BDP1: variants seen among roughly 807,000 people sequenced by gnomAD.
The protein encoded by BDP1 is transcription factor TFIIIB component B'' homolog.
Under a neutral mutation model 266.6 loss-of-function variants are expected in BDP1, and 169 were observed. That is an observed-to-expected ratio of 0.63 (90% CI 0.56 to 0.72). BDP1 has a LOEUF of 0.72. BDP1 is among the 30% of genes least tolerant of loss of function. The probability of loss-of-function intolerance (pLI) is 0.00; values close to 1 mark genes in which losing one functional copy is unlikely to be tolerated. For synonymous variants in BDP1, 1,090 were observed against 1,022.4 expected (o/e 1.07, Z -1.26); for missense variants, 3,015 against 3,053.8 (o/e 0.99, Z 0.30).
chr5:71,477,052 G>A (rs1762633473), intron 7 of BDP1, among the ~76,000 whole-genome samples: 1 of 150,944 alleles, frequency 6.6e-6, no homozygotes, highest in African/African-American at 2.4e-5. Context: ...TGCTATGTTG[G>A]CCAGGCTCGT....
chr5:71,496,134 T>TGGGA (rs1481186322), intron 12 of BDP1, among the ~76,000 whole-genome samples: 1 of 150,300 alleles, frequency 6.7e-6, no homozygotes. Flanking sequence ...CCCAGCTACT[T>TGGGA]GGGAGGCTGA....
At chr5:71,539,211 CTG>C (rs1399138645) in intron 27 of BDP1, 133 bp downstream of exon 27, 3 of 625,836 alleles carry the variant, frequency 4.8e-6, no homozygotes, top group Non-Finnish European at 8.2e-6. Context: ...TGTGTTGTCT[CTG>C]TGAGAAATGT....
In BDP1 at chr5:71,524,161, T is replaced by C. The variant is rs778016281; in HGVS notation, c.5610T>C (p.Ala1870=). The change falls in exon 25 of 39, where the codon GCT becomes GCC. Residue 1870 remains alanine, a synonymous_variant. Coordinates refer to ENST00000358731, the MANE Select transcript of BDP1 (RefSeq NM_018429.3). The stretch of plus-strand genomic sequence containing the variant: ...AGGCCATGCTGGTGACTCTTCGGGC[T>C]TCCCAGGAAGAAGATGATGATGCTG... The part of the protein sequence containing the change: ...ASKAMLVTLR[A]SQEEDDDADD... 9.9e-6 allele frequency: 16 copies of C among 1,614,096 alleles called. No individual in the cohort carries two copies. The highest frequency in any genetic ancestry group is 1.3e-5 in the Non-Finnish European group (15 of 1,180,042).
At chr5:71,512,480 G>T (rs148039997) in intron 18 of BDP1, 52 bp downstream of exon 18, 1 of 1,194,052 alleles carries the variant, frequency 8.4e-7, no homozygotes, top group East Asian at 2.5e-5. Flanking sequence ...TGCAGATTAC[G>T]TTAAACTAAG....
chr5:71,548,275 G>C (rs1161399508), intron 32 of BDP1, among the ~76,000 whole-genome samples: 1 of 152,158 alleles, frequency 6.6e-6, no homozygotes, highest in Non-Finnish European at 1.5e-5. Context: ...AGTCAGGATT[G>C]CATTTTAGAA....
chr5:71,550,968 A>G (rs1742699483), intron 34 of BDP1, among the ~76,000 whole-genome samples: 1 of 152,142 alleles, frequency 6.6e-6, no homozygotes, highest in Admixed American at 6.5e-5. Flanking sequence ...GGTCTCCCAA[A>G]GTGTTGGGAT....
chr5:71,554,849 T>C lies in BDP1; in HGVS notation c.7200+1529T>C, dbSNP rs567147490. 3.3e-5 allele frequency among the ~76,000 whole-genome samples: 5 copies of C among 152,340 alleles called. No individual in the cohort carries two copies. In the East Asian group the frequency reaches 9.6e-4, roughly 29 times the overall value. ...GAAGTGTTTCAAATTTCAGATTTTT[T>C]TGAATTTTAGAATAATTGCATTATA... On this transcript the variant is annotated intron_variant, in intron 35 of 38. Coordinates refer to ENST00000358731, the MANE Select transcript of BDP1 (RefSeq NM_018429.3).
At position 71,486,590 on chromosome 5, in the gene BDP1, G is replaced by A. The variant is rs1763276700; in HGVS notation, c.1176G>A (p.Lys392=). 6.5e-7 allele frequency: 1 copy of A among 1,533,048 alleles called. No individual in the cohort carries two copies. Among genetic ancestry groups the A allele is most frequent in the Non-Finnish European group, 8.7e-7 (1 of 1,153,456 alleles). The allele number at this position is 1,533,048 out of a possible 1,614,324, so 95.0% of individuals were successfully genotyped here. The change falls in exon 9 of 39, where the codon AAG becomes AAA. Residue 392 remains lysine (K), a synonymous_variant. Coordinates refer to ENST00000358731, the MANE Select transcript of BDP1 (RefSeq NM_018429.3). ...AATCTGTTAAAAATCACAGTTTAAA[G>A]GAGAAGAAATCCACCAAACCACGGA... is the stretch of plus-strand genomic sequence containing the variant. ...KQKSVKNHSL[K]EKKSTKPRKN... is the part of the protein sequence containing the mutation.
intron 37 of BDP1, among the ~76,000 whole-genome samples, chr5:71,561,801 G>A (rs548799723): frequency 3.2e-4 from 48 of 152,260 alleles, no homozygotes; most frequent in Middle Eastern, 6.8e-3. Flanking sequence ...CCAACTGTGC[G>A]AATCTTCATT....
intron 36 of BDP1, among the ~76,000 whole-genome samples, chr5:71,559,111 G>A (rs1210347243): frequency 3.3e-5 from 5 of 152,072 alleles, no homozygotes; most frequent in African/African-American, 9.7e-5. Context: ...CCGAGATCGC[G>A]CCTCTGCACT....
intron 17 of BDP1, 133 bp from the exon 18 acceptor site, chr5:71,512,108 A>C (rs1290643263): frequency 2.2e-6 from 1 of 461,678 alleles, no homozygotes; most frequent in Non-Finnish European, 3.7e-6. Context: ...TGGAAATTAA[A>C]TTTTATTCAA....
At chr5:71,515,826 A>G (rs1432804816) in intron 20 of BDP1, among the ~76,000 whole-genome samples, 2 of 152,070 alleles carry the variant, frequency 1.3e-5, no homozygotes, top group Admixed American at 6.6e-5. Context: ...CCACCATTCT[A>G]TCTGTATATT....
chr5:71,477,806 G>A (rs535709119), intron 7 of BDP1, among the ~76,000 whole-genome samples: 1 of 151,878 alleles, frequency 6.6e-6, no homozygotes, highest in African/African-American at 2.4e-5. Flanking sequence ...TTTTTGTAGA[G>A]ATGGGGTTTT....
At chr5:71,550,014 T>G (rs1166598229) in intron 34 of BDP1, among the ~76,000 whole-genome samples, 1 of 152,222 alleles carries the variant, frequency 6.6e-6, no homozygotes, top group Non-Finnish European at 1.5e-5. Flanking sequence ...GGACTTGCTT[T>G]GGTGCCCAGG....
rs571107970 is a variant in BDP1, at chr5:71,549,282, T to C, written c.6809-138T>C. On this transcript the variant is annotated intron_variant, in intron 33 of 38. Coordinates refer to ENST00000358731, the MANE Select transcript of BDP1 (RefSeq NM_018429.3). ...GAACTTACTTCCTCAGGCTGGGGGGTTGTTGGGGGGAGCATTTATTTATTT... is the reference window on the plus strand; with the variant it reads ...GAACTTACTTCCTCAGGCTGGGGGGCTGTTGGGGGGAGCATTTATTTATTT... 1.4e-5 allele frequency: 10 copies of C among 690,306 alleles called. No homozygotes were observed. The African/African-American group carries it at 1.5e-4, about 10-fold the overall frequency. 42.8% of individuals were successfully genotyped at this position (690,306 alleles called of 1,614,324 possible). A position where few individuals can be genotyped will look rare whatever the true frequency, so the allele number is the denominator to read the frequency against.
At position 71,456,105 on chromosome 5, in the gene BDP1, G is replaced by C. The variant is rs781030883; in HGVS notation, c.212+16G>C. On this transcript the variant is annotated intron_variant, in intron 1 of 38. Coordinates refer to ENST00000358731, the MANE Select transcript of BDP1 (RefSeq NM_018429.3). ...CTAGGAGCAGGTAAGAGGTTGCAGA[G>C]GGAAGAATTTTCATTTGTCCCGCCT... 6.2e-7 allele frequency: 1 copy of C among 1,603,996 alleles called. No individual in the cohort carries two copies. Among genetic ancestry groups the C allele is most frequent in the South Asian group, 1.1e-5 (1 of 90,418 alleles).
chr5:71,553,053 A>C, intron 34 of BDP1, 63 bp from the exon 35 acceptor site: 1 of 973,630 alleles, frequency 1.0e-6, no homozygotes, highest in Non-Finnish European at 1.4e-6. Context: ...AGGATCCTTT[A>C]AAAAAAAAAG....
intron 22 of BDP1, among the ~76,000 whole-genome samples, chr5:71,520,289 G>A (rs959232633): frequency 1.3e-5 from 2 of 152,028 alleles, no homozygotes; most frequent in African/African-American, 4.8e-5. Context: ...CCTGTGCTAT[G>A]CATTGAAAAG....
In BDP1 at chr5:71,565,177, T is replaced by G. The variant is rs1412914941; in HGVS notation, c.*292T>G. On this transcript the variant is annotated 3_prime_UTR_variant, in exon 39 of 39. Coordinates refer to ENST00000358731, the MANE Select transcript of BDP1 (RefSeq NM_018429.3). ...TGACTCTTCCTGTGCTAAGCACACA[T>G]GGACATTTGGGAATGTTGTGGATAT... 2 of 258,940 alleles carry G rather than the reference T, an allele frequency of 7.7e-6. No individual in the cohort carries two copies. Among genetic ancestry groups the G allele is most frequent in the Non-Finnish European group, 1.5e-5 (2 of 137,632 alleles). The allele number at this position is 258,940 out of a possible 1,614,324, so 16.0% of individuals were successfully genotyped here.
Sources: gnomAD v4.1 joint callset for allele counts (sites outside exome capture counted in the v4.1 genomes callset) on GRCh38, gnomAD v4.1.1 for gene constraint, MANE v1.5 for transcripts, NCBI Gene and HGNC (gene_info 2026-07-23, HGNC 2026-07-21) for gene names.